The following PTPRQ variants were observed in gnomAD, a reference collection of about 807,000 sequenced individuals.
PTPRQ encodes the protein phosphatidylinositol phosphatase PTPRQ.
In PTPRQ, 199 loss-of-function variants were observed where a neutral mutation model predicts 246.0. The ratio of observed to expected loss-of-function variants is 0.81; its 90% CI spans 0.72 to 0.91. PTPRQ has a LOEUF of 0.91. Ranked by LOEUF, PTPRQ falls within the 40% of genes least tolerant of loss-of-function variation. The probability of loss-of-function intolerance (pLI) is 0.00; values close to 1 mark genes in which losing one functional copy is unlikely to be tolerated. For synonymous variants in PTPRQ, 869 were observed against 853.2 expected, an observed-to-expected ratio of 1.02 and a Z score of -0.32; for missense variants, 2,624 against 2,528.4, an observed-to-expected ratio of 1.04 and a Z score of -0.81.
chr12:80,593,431 A>G (rs117522699), intron 26 of PTPRQ, among the ~76,000 whole-genome samples: 71 of 152,314 alleles, frequency 4.7e-4, no homozygotes, highest in Admixed American at 9.2e-4. Context: ...CTGAGATTTA[A>G]ATTGGATTAC....
intron 28 of PTPRQ, 88 bp from the exon 29 acceptor site, chr12:80,613,498 CTTTAAA>C: frequency 7.7e-7 from 1 of 1,294,642 alleles, no homozygotes; most frequent in Non-Finnish European, 1.0e-6. Context: ...GTGGAATACT[CTTTAAA>C]AACAGAAGTT....
At chr12:80,503,156 A>G (rs1158230592) in intron 14 of PTPRQ, among the ~76,000 whole-genome samples, 1 of 151,858 alleles carries the variant, frequency 6.6e-6, no homozygotes, top group Non-Finnish European at 1.5e-5. Context: ...TAGAAAAACA[A>G]ACATGATACC....
intron 17 of PTPRQ, among the ~76,000 whole-genome samples, chr12:80,514,153 C>T (rs1426638882): frequency 6.6e-6 from 1 of 152,112 alleles, no homozygotes. Flanking sequence ...ATTTCTCTCA[C>T]TCTTTTTTCG....
In PTPRQ at chr12:80,542,375, A is replaced by C. The variant is rs927072926; in HGVS notation, c.3721+11A>C. 6.6e-7 allele frequency: 1 copy of C among 1,520,898 alleles called. No individual in the cohort carries two copies. The highest frequency in any genetic ancestry group is 2.5e-5 in the East Asian group (1 of 40,570). The allele number at this position is 1,520,898 out of a possible 1,614,324, so 94.2% of individuals were successfully genotyped here. ...ACACAGATGAGTCAGGTAAGCCAGAATCCACATTTCTTCAAACAATTTCAC... is the reference window on the plus strand; with the variant it reads ...ACACAGATGAGTCAGGTAAGCCAGACTCCACATTTCTTCAAACAATTTCAC... On this transcript the variant is annotated intron_variant, in intron 22 of 44. Transcript: ENST00000644991.
chr12:80,630,724 T>C (rs752393394), intron 33 of PTPRQ, among the ~76,000 whole-genome samples: 14 of 152,316 alleles, frequency 9.2e-5, no homozygotes, highest in South Asian at 2.1e-4. Context: ...TATTAATTTT[T>C]TTTTATTTTG....
At chr12:80,655,581 C>G (rs932959747) in intron 38 of PTPRQ, among the ~76,000 whole-genome samples, 2 of 151,788 alleles carry the variant, frequency 1.3e-5, no homozygotes, top group African/African-American at 4.8e-5. Flanking sequence ...GTCTCTCTCT[C>G]TCTCTCTCTG....
At chr12:80,481,375 C>T (rs1318858601) in intron 8 of PTPRQ, among the ~76,000 whole-genome samples, 1 of 152,044 alleles carries the variant, frequency 6.6e-6, no homozygotes, top group African/African-American at 2.4e-5. Flanking sequence ...GGACGTATTT[C>T]AAAATAATAA....
chr12:80,530,800 ATAAT>A (rs1269198428), intron 17 of PTPRQ, among the ~76,000 whole-genome samples: 1 of 152,156 alleles, frequency 6.6e-6, no homozygotes, highest in African/African-American at 2.4e-5. Flanking sequence ...CTAAATAATT[ATAAT>A]TATTATAACT....
intron 24 of PTPRQ, among the ~76,000 whole-genome samples, chr12:80,548,359 T>A (rs887142678): frequency 6.6e-6 from 1 of 152,122 alleles, no homozygotes; most frequent in Non-Finnish European, 1.5e-5. Flanking sequence ...ATAAAAATGT[T>A]CTTATATGAT....
intron 25 of PTPRQ, among the ~76,000 whole-genome samples, chr12:80,582,861 AC>A (rs1897489141): frequency 6.6e-6 from 1 of 151,642 alleles, no homozygotes; most frequent in African/African-American, 2.4e-5. Context: ...TCAAAACAAA[AC>A]AAAAACAAAA....
Position 80,506,677 on chromosome 12 carries a change from A to G in PTPRQ, c.2557+7A>G. 7 of 1,534,388 alleles carry G rather than the reference A, an allele frequency of 4.6e-6. No individual in the cohort carries two copies. The highest frequency in any genetic ancestry group is 4.4e-6 in the Non-Finnish European group (5 of 1,137,258). ...ATACTGACGGAGGAAGATGGTAAAT[A>G]TAATAGTGGATATTGATATACTTTG... On this transcript the variant is annotated splice_region_variant and intron_variant, in intron 16 of 44. Coordinates refer to ENST00000644991, the MANE Select transcript of PTPRQ (RefSeq NM_001145026.2).
intron 19 of PTPRQ, among the ~76,000 whole-genome samples, chr12:80,537,700 T>A (rs1896029026): frequency 6.6e-6 from 1 of 152,224 alleles, no homozygotes; most frequent in Non-Finnish European, 1.5e-5. Flanking sequence ...ATCCATATTG[T>A]TCTTCCTTCA....
At chr12:80,580,188 C>A (rs926978880) in intron 25 of PTPRQ, among the ~76,000 whole-genome samples, 3 of 152,128 alleles carry the variant, frequency 2.0e-5, no homozygotes, top group East Asian at 1.9e-4. Context: ...TGCATTTAAA[C>A]CTATAACAAA....
chr12:80,450,516 G>A (rs1350449193), intron 3 of PTPRQ, among the ~76,000 whole-genome samples: 1 of 152,066 alleles, frequency 6.6e-6, no homozygotes, highest in Non-Finnish European at 1.5e-5. Context: ...CTGTGGGTTT[G>A]TCATAGATAG....
rs1456916704 is a variant in PTPRQ, at chr12:80,669,100, A to G, written c.6286A>G (p.Lys2096Glu). ...GAGAATGGTGTGGGAAACCAGAGCA[A>G]AAACATTAGTAATGCTAACACAGTG... is the stretch of plus-strand genomic sequence containing the variant. ...FWRMVWETRA[K>E]TLVMLTQCFE... Residue 2096 changes from lysine (K) to glutamate (E), a missense_variant, in exon 40 of 45, where the codon AAA becomes GAA. Coordinates refer to ENST00000644991, the MANE Select transcript of PTPRQ (RefSeq NM_001145026.2). 1.3e-6 allele frequency: 2 copies of G among 1,550,532 alleles called. No individual in the cohort carries two copies. Among genetic ancestry groups the G allele is most frequent in the Admixed American group, 3.9e-5 (2 of 50,922 alleles).
intron 17 of PTPRQ, among the ~76,000 whole-genome samples, chr12:80,513,659 C>T (rs536883410): frequency 2.0e-4 from 30 of 152,224 alleles, no homozygotes; most frequent in Admixed American, 1.5e-3. Flanking sequence ...CCCTTCTCTA[C>T]CCCGCACTTC....
chr12:80,649,407 G>A (rs1299016128), intron 36 of PTPRQ, among the ~76,000 whole-genome samples, 181 bp from the exon 37 acceptor site: 41 of 152,084 alleles, frequency 2.7e-4, no homozygotes, highest in Non-Finnish European at 4.4e-5. Context: ...CAAAGAAAGT[G>A]AGCTTAAAGA....
rs1898925548 is a variant in PTPRQ, at chr12:80,620,182, G to A, written c.5418G>A (p.Trp1806Ter). The A allele has an allele frequency of 6.5e-7, 1 of 1,548,094 alleles. No homozygotes were observed. Among genetic ancestry groups the A allele is most frequent in the South Asian group, 1.2e-5 (1 of 83,830 alleles). The part of the protein sequence containing the change: ...GAQHDGNVTK[W>*]YDAYFNKARP... ...AGCATGATGGAAATGTAACAAAGTG[G>A]TATGATGCATATTTTAATAAAGCAA... The change falls in exon 32 of 45, where the codon TGG becomes TGA. Residue 1806 changes from tryptophan (W) to a stop codon, truncating the protein, a stop_gained. Coordinates refer to ENST00000644991, the MANE Select transcript of PTPRQ (RefSeq NM_001145026.2). LOFTEE classifies it high-confidence loss of function.
intron 17 of PTPRQ, among the ~76,000 whole-genome samples, chr12:80,531,132 C>T (rs1283170159): frequency 1.3e-5 from 2 of 151,810 alleles, no homozygotes; most frequent in Non-Finnish European, 2.9e-5. Context: ...ATAACTATGG[C>T]ATCATTGTTA....
Sources: gnomAD v4.1 joint callset for allele counts (sites outside exome capture counted in the v4.1 genomes callset) on GRCh38, gnomAD v4.1.1 for gene constraint, MANE v1.5 for transcripts, NCBI Gene and HGNC (gene_info 2026-07-23, HGNC 2026-07-21) for gene names.